The following AGBL5 variants were observed in gnomAD, a reference collection of about 807,000 sequenced individuals.
AGBL5 encodes cytosolic carboxypeptidase-like protein 5.
Under a neutral mutation model 88.0 loss-of-function variants are expected in AGBL5, and 51 were observed. The ratio of observed to expected loss-of-function variants is 0.58; its 90% CI spans 0.46 to 0.73. AGBL5 has a LOEUF of 0.73. AGBL5 is among the 30% of genes least tolerant of loss of function. AGBL5 has a pLI of 0.00. For missense variants in AGBL5, 1,031 were observed against 1,162.2 expected (o/e 0.89, Z 1.64); for synonymous variants, 446 against 438.8 (o/e 1.02, Z -0.21).
At chr2:27,059,070 G>A in intron 10 of AGBL5, 120 bp from the exon 11 acceptor site, 1 of 921,592 alleles carries the variant, frequency 1.1e-6, no homozygotes, top group Non-Finnish European at 1.7e-6. Flanking sequence ...CTTCTTCCTT[G>A]GGATGGGTCC....
At chr2:27,066,505 AAGT>A (rs1668995964) in intron 11 of AGBL5, among the ~76,000 whole-genome samples, 1 of 152,166 alleles carries the variant, frequency 6.6e-6, no homozygotes, top group Admixed American at 6.5e-5. Context: ...GTTTAAGAGT[AAGT>A]AGAGCAGGAG....
chr2:27,052,783 C>A, intron 1 of AGBL5, 130 bp from the exon 2 acceptor site: 1 of 514,052 alleles, frequency 1.9e-6, no homozygotes. Flanking sequence ...TCTATGTTTT[C>A]TAAGAGGGAG....
In AGBL5 at chr2:27,053,829, G is replaced by A. The variant is rs1372968658; in HGVS notation, c.388-67G>A. On this transcript the variant is annotated intron_variant, in intron 3 of 14. Coordinates refer to ENST00000360131, the MANE Select transcript of AGBL5 (RefSeq NM_021831.6). This position sits in a 1 kb window ranked among gnomAD's most constrained non-coding sequence, Gnocchi z 4.9. ...TAAGGGTGTGAGGTCAGTTCCTGGTGGTCCCAGTAGGAGCTCAGTTCTGAC... is the reference window on the plus strand; with the variant it reads ...TAAGGGTGTGAGGTCAGTTCCTGGTAGTCCCAGTAGGAGCTCAGTTCTGAC... 20 of 1,542,284 alleles carry A rather than the reference G, an allele frequency of 1.3e-5. No homozygotes were observed. The highest frequency in any genetic ancestry group is 1.8e-5 in the Non-Finnish European group (20 of 1,140,070).
chr2:27,068,016 C>T, intron 12 of AGBL5, among the ~76,000 whole-genome samples: 1 of 152,210 alleles, frequency 6.6e-6, no homozygotes, highest in East Asian at 1.9e-4. Flanking sequence ...GGTACTTTCT[C>T]CTGTCAACAC....
upstream of AGBL5, chr2:27,051,035 C>G (rs558432079): frequency 2.0e-5 from 3 of 152,338 alleles, no homozygotes. Context: ...CATGTGGTAA[C>G]GTGTTTTAGA....
rs113491523 is a variant in AGBL5 at position 27,054,808 on chromosome 2, G to A, written c.729+1G>A. ...ACCATTCCGTTTCGCAGGCAAGAGG[G>A]TGAGTGGAAATAGCATAAAGGTAGT... is the stretch of plus-strand genomic sequence containing the variant. On this transcript the variant is annotated splice_donor_variant, in intron 5 of 14. Transcript: ENST00000360131. LOFTEE classifies it high-confidence loss of function. 6.2e-7 allele frequency: 1 copy of A among 1,611,496 alleles called. No homozygotes were observed. Among genetic ancestry groups the A allele is most frequent in the Non-Finnish European group, 8.5e-7 (1 of 1,179,280 alleles).
At chr2:27,065,762 A>G (rs1184757342) in intron 11 of AGBL5, among the ~76,000 whole-genome samples, 1 of 152,234 alleles carries the variant, frequency 6.6e-6, no homozygotes, top group African/African-American at 2.4e-5. Context: ...TAAGAGAGGT[A>G]ACATTTGAGA....
At chr2:27,051,168 A>T (rs1668096033), upstream of AGBL5, 1 of 152,280 alleles carries the variant, frequency 6.6e-6, no homozygotes. Flanking sequence ...GTCAGTGAAC[A>T]GTGCAGTGAA....
chr2:27,058,341 C>A, intron 9 of AGBL5, 59 bp from the exon 10 acceptor site: 1 of 1,597,228 alleles, frequency 6.3e-7, no homozygotes, highest in Non-Finnish European at 8.6e-7. Context: ...GTACCCACCC[C>A]AAGGTAGCAG....
rs1485801273 is a variant in AGBL5, at chr2:27,053,994, T to C, written c.486T>C (p.Ser162=). The part of the protein sequence containing the change: ...FFAFCYPFSY[S]DCQELLNQLD... Reference sequence around the variant, plus strand: ...CCTTCTGCTACCCCTTCTCCTACAGTGACTGCCAGGAACTGCTAAACCAGC... The same window carrying C: ...CCTTCTGCTACCCCTTCTCCTACAGCGACTGCCAGGAACTGCTAAACCAGC... Residue 162 remains serine (S), a synonymous_variant, in exon 4 of 15, where the codon AGT becomes AGC. Coordinates refer to ENST00000360131, the MANE Select transcript of AGBL5 (RefSeq NM_021831.6). This position sits in a 1 kb window ranked among gnomAD's most constrained non-coding sequence, Gnocchi z 4.9. 6.2e-7 allele frequency: 1 copy of C among 1,614,106 alleles called. No homozygotes were observed. The highest frequency in any genetic ancestry group is 8.5e-7 in the Non-Finnish European group (1 of 1,180,004).
intron 11 of AGBL5, among the ~76,000 whole-genome samples, chr2:27,061,448 G>A (rs1241717950): frequency 6.6e-6 from 1 of 152,174 alleles, no homozygotes; most frequent in African/African-American, 2.4e-5. Context: ...CGTTGGTCAG[G>A]CTGGTCTTGA....
upstream of AGBL5, among the ~76,000 whole-genome samples, chr2:27,050,742 A>G (rs1006199684): frequency 3.3e-5 from 5 of 152,160 alleles, no homozygotes; most frequent in African/African-American, 1.2e-4. Context: ...GGTTGCGGTA[A>G]GCATTAGAGG....
chr2:27,056,572 A>T (rs1285002905), intron 7 of AGBL5, 51 bp from the exon 8 acceptor site: 1 of 1,517,478 alleles, frequency 6.6e-7, no homozygotes, highest in Non-Finnish European at 9.0e-7. Flanking sequence ...TCTTCCTTGC[A>T]CCTTGTCCCT....
chr2:27,050,753 G>A (rs904835901), upstream of AGBL5, among the ~76,000 whole-genome samples: 1 of 152,174 alleles, frequency 6.6e-6, no homozygotes. Flanking sequence ...GCATTAGAGG[G>A]CTATCAGCAG....
rs1489044209 is a variant in AGBL5, at chr2:27,055,749, A to G, written c.976A>G (p.Ile326Val). 3 of 1,614,114 alleles carry G rather than the reference A, an allele frequency of 1.9e-6. No individual in the cohort carries two copies. Among genetic ancestry groups the G allele is most frequent in the South Asian group, 1.1e-5 (1 of 91,080 alleles). Residue 326 changes from isoleucine (I) to valine (V), a missense_variant, in exon 7 of 15, where the codon ATC becomes GTC. Ile to Val is a conservative substitution (Grantham distance 29, BLOSUM62 3). Coordinates refer to ENST00000360131, the MANE Select transcript of AGBL5 (RefSeq NM_021831.6). ...LKPDAVLHPA[I>V]YGAKAVLLYH... ...GCCTGATGCCGTCCTGCACCCGGCC[A>G]TCTATGGGGCCAAAGCTGTGCTTCT...
rs904229698 is a variant in AGBL5, at chr2:27,053,215, C to T, written c.215+42C>T. ...GGAGGGTGGAAAAAGGCTCCAAACCCATGCTTCAGTTAGCCCTCTGACTTA... is the reference window on the plus strand; with the variant it reads ...GGAGGGTGGAAAAAGGCTCCAAACCTATGCTTCAGTTAGCCCTCTGACTTA... On this transcript the variant is annotated intron_variant, in intron 2 of 14. Coordinates refer to ENST00000360131, the MANE Select transcript of AGBL5 (RefSeq NM_021831.6). The surrounding 1 kb of genome is among the most constrained non-coding windows in gnomAD (Gnocchi z 4.9). 1 of 1,546,682 alleles carries T rather than the reference C, an allele frequency of 6.5e-7. No homozygotes were observed. Among genetic ancestry groups the T allele is most frequent in the Non-Finnish European group, 8.8e-7 (1 of 1,142,226 alleles).
intron 5 of AGBL5, 106 bp downstream of exon 5, chr2:27,054,913 G>T (rs982758348): frequency 8.6e-6 from 13 of 1,505,046 alleles, no homozygotes; most frequent in Non-Finnish European, 1.1e-5. Context: ...CATGGCCTCC[G>T]CCCGCAGCGT....
chr2:27,057,741 GCA>G (rs911609015), intron 9 of AGBL5, among the ~76,000 whole-genome samples: 1 of 152,160 alleles, frequency 6.6e-6, no homozygotes, highest in African/African-American at 2.4e-5. Context: ...GGGCTCAAAA[GCA>G]CCCTGACTGT....
intron 13 of AGBL5, chr2:27,068,983 A>G: frequency 1.4e-6 from 2 of 1,466,902 alleles, no homozygotes; most frequent in East Asian, 2.9e-5. Flanking sequence ...ATATACCCCA[A>G]CCTTAGCCTG....
Sources: gnomAD v4.1 joint callset for allele counts (sites outside exome capture counted in the v4.1 genomes callset) on GRCh38, gnomAD v4.1.1 for gene constraint, Gnocchi (gnomAD v3.1) non-coding constraint, MANE v1.5 for transcripts, NCBI Gene and HGNC (gene_info 2026-07-23, HGNC 2026-07-21) for gene names.